SLC8A1: variants seen among roughly 807,000 people sequenced by gnomAD.
The protein encoded by SLC8A1 is solute carrier family 8 member A1.
In SLC8A1, 18 loss-of-function variants were observed where a neutral mutation model predicts 68.3. The observed-to-expected ratio is 0.26, with a 90% CI of 0.18 to 0.39. SLC8A1 has a LOEUF of 0.39. Ranked by LOEUF, SLC8A1 falls within the 10% of genes least tolerant of loss-of-function variation. The probability of loss-of-function intolerance (pLI) is 1.00; values close to 1 mark genes in which losing one functional copy is unlikely to be tolerated. For synonymous variants in SLC8A1, 475 were observed against 415.5 expected (o/e 1.14, Z -1.74); for missense variants, 985 against 1,156.7 (o/e 0.85, Z 2.15).
intron 1 of SLC8A1, among the ~76,000 whole-genome samples, chr2:40,464,578 T>C (rs1363148992): frequency 4.6e-5 from 7 of 152,224 alleles, no homozygotes; most frequent in Admixed American, 3.9e-4. Context: ...TCCAGCTTTC[T>C]TCTGTATCAT....
rs552063277 is a variant in SLC8A1, at chr2:40,302,517, A to C, written c.1809-124662T>G. On this transcript the variant is annotated intron_variant, in intron 2 of 7. Transcript: ENST00000406785. Reference sequence around the variant, plus strand: ...ATATCATATATGTGTGTGTATACATATATAACATATATATTTACACACATA... The same window carrying C: ...ATATCATATATGTGTGTGTATACATCTATAACATATATATTTACACACATA... 2.7e-5 allele frequency among the ~76,000 whole-genome samples: 4 copies of C among 149,252 alleles called. No individual in the cohort carries two copies. In the South Asian group the frequency reaches 8.4e-4, roughly 31 times the overall value.
chr2:40,171,130 G>T (rs2047416776), intron 4 of SLC8A1, among the ~76,000 whole-genome samples: 2 of 152,180 alleles, frequency 1.3e-5, no homozygotes, highest in Admixed American at 6.5e-5. Flanking sequence ...CCATATGCTT[G>T]TCATCTAAAC....
intron 2 of SLC8A1, among the ~76,000 whole-genome samples, chr2:40,360,101 A>G (rs1247113381): frequency 6.6e-6 from 1 of 152,196 alleles, no homozygotes; most frequent in Non-Finnish European, 1.5e-5. Context: ...TTACAAGGTC[A>G]TGTTACTATC....
intron 2 of SLC8A1, among the ~76,000 whole-genome samples, chr2:40,294,824 G>C (rs939617951): frequency 2.0e-4 from 30 of 152,162 alleles, no homozygotes; most frequent in African/African-American, 7.0e-4. Context: ...TCATAATTTT[G>C]TTTCCTAACA....
chr2:40,506,639 C>G (rs898464516), intron 1 of SLC8A1, among the ~76,000 whole-genome samples: 1 of 151,780 alleles, frequency 6.6e-6, no homozygotes, highest in Non-Finnish European at 1.5e-5. Context: ...CTATCAGGGT[C>G]TATAGATTTA....
At chr2:40,264,151 T>C (rs2065058078) in intron 2 of SLC8A1, among the ~76,000 whole-genome samples, 1 of 151,726 alleles carries the variant, frequency 6.6e-6, no homozygotes, top group Non-Finnish European at 1.5e-5. Flanking sequence ...CACAATGAGA[T>C]ACCATCTCAC....
At chr2:40,100,948 A>T (rs924078280) in exon 8 of SLC8A1, 2 of 152,160 alleles carry the variant, frequency 1.3e-5, no homozygotes, top group African/African-American at 4.8e-5. Context: ...TGTTAAGCTT[A>T]CATTTCCAGC....
At position 40,296,696 on chromosome 2, in the gene SLC8A1, A is replaced by T. The variant is rs2070452209; in HGVS notation, c.1809-118841T>A. 2.0e-5 allele frequency among the ~76,000 whole-genome samples: 3 copies of T among 152,182 alleles called. No individual in the cohort carries two copies. The South Asian group carries it at 6.2e-4, about 31-fold the overall frequency. On this transcript the variant is annotated intron_variant, in intron 2 of 7. Transcript: ENST00000406785. Reference sequence around the variant, plus strand: ...TATATTAGTTGTCATGCTATATTTTATGTTTACTCTTGTTATGTTTTATTT... The same window carrying T: ...TATATTAGTTGTCATGCTATATTTTTTGTTTACTCTTGTTATGTTTTATTT...
chr2:40,321,081 T>A (rs1680624669), intron 2 of SLC8A1, among the ~76,000 whole-genome samples: 3 of 152,168 alleles, frequency 2.0e-5, no homozygotes. Flanking sequence ...CTCTGTATAT[T>A]TTTCAAGATC....
At chr2:40,282,321 C>G (rs2067646044) in intron 2 of SLC8A1, among the ~76,000 whole-genome samples, 1 of 152,076 alleles carries the variant, frequency 6.6e-6, no homozygotes, top group Non-Finnish European at 1.5e-5. Context: ...ACACAAAACA[C>G]AATAAAAAGA....
intron 7 of SLC8A1, among the ~76,000 whole-genome samples, chr2:40,116,036 G>T (rs1049716962): frequency 1.3e-5 from 2 of 152,206 alleles, no homozygotes; most frequent in Non-Finnish European, 2.9e-5. Context: ...AGCGGCCCAG[G>T]AATCTATTTT....
intron 2 of SLC8A1, among the ~76,000 whole-genome samples, chr2:40,370,456 T>C (rs1483898829): frequency 6.6e-6 from 1 of 152,110 alleles, no homozygotes; most frequent in Non-Finnish European, 1.5e-5. Context: ...TTGGCCTCAC[T>C]TTCCTAGTGT....
chr2:40,398,334 G>T (rs1485416531), intron 2 of SLC8A1, among the ~76,000 whole-genome samples: 1 of 152,084 alleles, frequency 6.6e-6, no homozygotes, highest in African/African-American at 2.4e-5. Flanking sequence ...ACTAACGCGT[G>T]TATCATATCT....
chr2:40,367,804 C>T (rs899850368), intron 2 of SLC8A1, among the ~76,000 whole-genome samples: 11 of 152,042 alleles, frequency 7.2e-5, no homozygotes, highest in Admixed American at 2.0e-4. Flanking sequence ...TAGGATTACA[C>T]TAGCTTTGTT....
At chr2:40,392,880 T>C (rs1685763258) in intron 2 of SLC8A1, among the ~76,000 whole-genome samples, 1 of 152,110 alleles carries the variant, frequency 6.6e-6, no homozygotes, top group Non-Finnish European at 1.5e-5. Context: ...TCACTTCACT[T>C]CTTCTTACCC....
At chr2:40,110,267 A>C (rs1220039163) in exon 8 of SLC8A1, 1 of 152,190 alleles carries the variant, frequency 6.6e-6, no homozygotes, top group African/African-American at 2.4e-5. Context: ...TATCTATTTC[A>C]ATTGTTTACC....
intron 2 of SLC8A1, among the ~76,000 whole-genome samples, chr2:40,362,139 C>T (rs1288111414): frequency 6.6e-6 from 1 of 151,900 alleles, no homozygotes; most frequent in Admixed American, 6.6e-5. Context: ...AAGTAATCCA[C>T]TTGCCTCAGC....
chr2:40,419,965 G>C (rs1342747343), intron 2 of SLC8A1, among the ~76,000 whole-genome samples: 1 of 151,994 alleles, frequency 6.6e-6, no homozygotes, highest in Non-Finnish European at 1.5e-5. Flanking sequence ...CACCTTGTTC[G>C]AAAACAAATT....
intron 2 of SLC8A1, among the ~76,000 whole-genome samples, chr2:40,221,076 C>A (rs930149168): frequency 2.0e-5 from 3 of 151,736 alleles, no homozygotes; most frequent in African/African-American, 4.8e-5. Context: ...ACAACAACAA[C>A]AAAAAAGAAA....
Sources: gnomAD v4.1 joint callset for allele counts (sites outside exome capture counted in the v4.1 genomes callset) on GRCh38, gnomAD v4.1.1 for gene constraint, MANE v1.5 for transcripts, NCBI Gene and HGNC (gene_info 2026-07-23, HGNC 2026-07-21) for gene names.